Variants in MYO3A observed in about 807,000 individuals in gnomAD.
MYO3A encodes the protein myosin-IIIa.
MYO3A carries 180 observed loss-of-function variants against 192.7 expected under a neutral mutation model. The ratio of observed to expected loss-of-function variants is 0.93; its 90% CI spans 0.83 to 1.06. MYO3A has a LOEUF of 1.06. Ranked by LOEUF, MYO3A falls within the 50% of genes least tolerant of loss-of-function variation. The pLI is 0.00. For synonymous variants in MYO3A, 628 were observed against 645.3 expected, an observed-to-expected ratio of 0.97 and a Z score of 0.41; for missense variants, 1,896 against 1,905.0, an observed-to-expected ratio of 1.00 and a Z score of 0.09.
chr10:26,186,470 G>T (rs1437262016), intron 31 of MYO3A, among the ~76,000 whole-genome samples: 1 of 152,088 alleles, frequency 6.6e-6, no homozygotes, highest in Non-Finnish European at 1.5e-5. Context: ...GTTTCACCGT[G>T]TTAGCCAGGA....
intron 4 of MYO3A, among the ~76,000 whole-genome samples, chr10:25,961,125 C>T (rs1837902954): frequency 6.6e-6 from 1 of 152,054 alleles, no homozygotes; most frequent in Non-Finnish European, 1.5e-5. Flanking sequence ...TCCTTCAAAA[C>T]ATTTTCGATA....
chr10:26,055,353 A>G (rs7098026), intron 10 of MYO3A, among the ~76,000 whole-genome samples: 3,845 of 152,220 alleles, frequency 0.025, 183 homozygotes, highest in African/African-American at 0.087. Flanking sequence ...TGAAAAATCA[A>G]CAACTCTTAA....
At chr10:25,989,646 A>G (rs1285883384) in intron 4 of MYO3A, among the ~76,000 whole-genome samples, 1 of 152,066 alleles carries the variant, frequency 6.6e-6, no homozygotes, top group African/African-American at 2.4e-5. Context: ...GCCTGGCACA[A>G]AGTAAGTATG....
At chr10:26,056,956 G>C (rs1303608026) in intron 10 of MYO3A, among the ~76,000 whole-genome samples, 3 of 114,332 alleles carry the variant, frequency 2.6e-5, no homozygotes. Context: ...AAGAAGGACA[G>C]GAGGAAAAAA....
chr10:26,031,391 A>C (rs1842794695), intron 10 of MYO3A, among the ~76,000 whole-genome samples: 3 of 152,214 alleles, frequency 2.0e-5, no homozygotes, highest in Admixed American at 6.5e-5. Flanking sequence ...CAACCCACTC[A>C]AAATATTCGT....
Position 26,153,903 on chromosome 10 carries a change from T to C in MYO3A, c.2689T>C (p.Ser897Pro). ...KNVINYQMRT[S>P]EKLINLAKGD... The stretch of plus-strand genomic sequence containing the variant: ...TGTTATAAACTATCAAATGAGGACT[T>C]CAGAAAAATTAATCAACCTGGCAAA... Residue 897 changes from serine (S) to proline (P), a missense_variant, in exon 24 of 35, where the codon TCA becomes CCA. By Grantham distance (74) the Ser-to-Pro change is moderately conservative. Transcript: ENST00000642920. 4 of 1,595,126 alleles carry C rather than the reference T, an allele frequency of 2.5e-6. No individual in the cohort carries two copies. The highest frequency in any genetic ancestry group is 3.4e-6 in the Non-Finnish European group (4 of 1,163,028).
intron 23 of MYO3A, among the ~76,000 whole-genome samples, chr10:26,148,542 T>C (rs968773108): frequency 3.9e-5 from 6 of 152,194 alleles, no homozygotes; most frequent in African/African-American, 1.4e-4. Context: ...AAAATCCTGG[T>C]TGGGTTTTGA....
chr10:26,096,487 A>T lies in MYO3A; in HGVS notation c.1661+8A>T. The T allele has an allele frequency of 6.2e-7, 1 of 1,609,666 alleles. No homozygotes were observed. Among genetic ancestry groups the T allele is most frequent in the South Asian group, 1.1e-5 (1 of 90,940 alleles). The stretch of plus-strand genomic sequence containing the variant: ...TGAAAATAAGCCTCCCAGGTAATCT[A>T]CCAGGTTGAGCTTTCATCAATAATA... On this transcript the variant is annotated splice_region_variant and intron_variant, in intron 16 of 34. Coordinates refer to ENST00000642920, the MANE Select transcript of MYO3A (RefSeq NM_017433.5).
chr10:26,121,141 A>G lies in MYO3A; in HGVS notation c.1903+339A>G, dbSNP rs140982622. 6.1e-4 allele frequency among the ~76,000 whole-genome samples: 93 copies of G among 151,684 alleles called. 1 individual carries two copies. The highest frequency in any genetic ancestry group is 1.5e-3 in the African/African-American group (61 of 41,334). ...TATGTTATTGTCTTATAGATTTAGC[A>G]TCTATACCATTTTACAAGTAATAAA... On this transcript the variant is annotated intron_variant, in intron 18 of 34. Transcript: ENST00000642920.
At chr10:26,109,625 A>T (rs185397991) in intron 17 of MYO3A, among the ~76,000 whole-genome samples, 1 of 152,210 alleles carries the variant, frequency 6.6e-6, no homozygotes, top group Non-Finnish European at 1.5e-5. Flanking sequence ...ATTAGAGGGG[A>T]CTACTATAAT....
intron 10 of MYO3A, among the ~76,000 whole-genome samples, chr10:26,065,067 C>A (rs10828945): frequency 0.48 from 72,266 of 151,918 alleles, 17,978 homozygotes; most frequent in Middle Eastern, 0.59. Flanking sequence ...AGGAAAAAAC[C>A]GAAAAAGATA....
chr10:26,168,728 A>G lies in MYO3A; in HGVS notation c.3128A>G (p.Tyr1043Cys). 1 of 1,613,064 alleles carries G rather than the reference A, an allele frequency of 6.2e-7. No individual in the cohort carries two copies. Residue 1043 changes from tyrosine to cysteine, a missense_variant, in exon 28 of 35, where the codon TAT (tyrosine) becomes TGT (cysteine). By Grantham distance (194) the Tyr-to-Cys change is radical. Transcript: ENST00000642920. ...LGKTKVFLKY[Y>C]HVEQLNLMRK... ...ATTTTTCAGGTGTTCCTTAAGTATTATCACGTGGAGCAGTTAAATCTAATG... is the reference window on the plus strand; with the variant it reads ...ATTTTTCAGGTGTTCCTTAAGTATTGTCACGTGGAGCAGTTAAATCTAATG...
chr10:26,183,136 C>CA (rs776240677), intron 31 of MYO3A, among the ~76,000 whole-genome samples: 3 of 152,136 alleles, frequency 2.0e-5, no homozygotes, highest in Non-Finnish European at 4.4e-5. Context: ...TCTCACCCCC[C>CA]ACACAGGCTG....
At chr10:26,003,678 A>G (rs910116683) in intron 6 of MYO3A, among the ~76,000 whole-genome samples, 1 of 152,212 alleles carries the variant, frequency 6.6e-6, no homozygotes, top group African/African-American at 2.4e-5. Flanking sequence ...GTCTGAAAAA[A>G]AACAATCTTT....
chr10:26,165,979 C>A, intron 26 of MYO3A, 88 bp from the exon 27 acceptor site: 1 of 1,064,136 alleles, frequency 9.4e-7, no homozygotes, highest in Non-Finnish European at 1.5e-6. Flanking sequence ...TCTTCCTCAG[C>A]CCCTGCACTA....
At chr10:26,005,269 A>G (rs1841112176) in intron 6 of MYO3A, among the ~76,000 whole-genome samples, 1 of 152,042 alleles carries the variant, frequency 6.6e-6, no homozygotes, top group African/African-American at 2.4e-5. Context: ...TATACAACAA[A>G]CCCAAATTCA....
chr10:26,062,530 A>AAAAAAAAAAAAAAAAAGAAACG (rs1554816581), intron 10 of MYO3A, among the ~76,000 whole-genome samples: 3 of 125,946 alleles, frequency 2.4e-5, no homozygotes, highest in Non-Finnish European at 3.4e-5. Flanking sequence ...AAAAAAAAAA[A>AAAAAAAAAAAAAAAAAGAAACG]AAATTATGGA....
At chr10:26,083,013 A>G (rs1015998259) in intron 14 of MYO3A, among the ~76,000 whole-genome samples, 3 of 152,174 alleles carry the variant, frequency 2.0e-5, no homozygotes, top group Non-Finnish European at 2.9e-5. Context: ...TTCCTTCTTC[A>G]CAATTTCACA....
intron 14 of MYO3A, among the ~76,000 whole-genome samples, chr10:26,081,135 C>CCCCCCCCTT (rs1835913236): frequency 1.1e-5 from 1 of 89,528 alleles, no homozygotes; most frequent in African/African-American, 4.3e-5. Flanking sequence ...TATGCCCTTC[C>CCCCCCCCTT]CCCCCCCCCC....
Sources: allele counts gnomAD v4.1 joint callset (sites outside exome capture counted in the v4.1 genomes callset), GRCh38; gene constraint gnomAD v4.1.1; transcripts MANE v1.5; gene names NCBI Gene and HGNC (gene_info 2026-07-23, HGNC 2026-07-21).